HPN: variants seen among roughly 807,000 people sequenced by gnomAD.
The protein encoded by HPN is serine protease hepsin.
In HPN, 13 loss-of-function variants were observed where a neutral mutation model predicts 55.9. The ratio of observed to expected loss-of-function variants is 0.23; its 90% CI spans 0.15 to 0.37. HPN has a LOEUF of 0.37. Among genes scored for constraint, HPN ranks in the 10% least tolerant of loss-of-function variants. The pLI, the probability that HPN is intolerant of heterozygous loss-of-function variation, is 1.00. For missense variants in HPN, 451 were observed against 575.8 expected, an observed-to-expected ratio of 0.78 and a Z score of 2.22; for synonymous variants, 225 against 240.3, an observed-to-expected ratio of 0.94 and a Z score of 0.59.
chr19:35,059,893 C>A lies in HPN; in HGVS notation c.310C>A (p.Leu104Met). 6.6e-7 allele frequency: 1 copy of A among 1,508,492 alleles called. No individual in the cohort carries two copies. The highest frequency in any genetic ancestry group is 2.3e-5 in the East Asian group (1 of 42,902). 93.4% of individuals were successfully genotyped at this position (1,508,492 alleles called of 1,614,324 possible). Residue 104 changes from leucine to methionine, a missense_variant, in exon 6 of 13, where the codon CTG becomes ATG. Around this residue, in one of 2 missense-constraint regions of HPN, gnomAD observed 378 missense variants for 445.5 expected, o/e 0.85. Transcript: ENST00000672452. ...GFLRALTHSE[L>M]DVRTAGANGT... Reference sequence around the variant, plus strand: ...GCCCAGGGCACTGACCCACTCCGAGCTGGACGTGCGAACGGCGGGCGCCAA... The same window carrying A: ...GCCCAGGGCACTGACCCACTCCGAGATGGACGTGCGAACGGCGGGCGCCAA...
At chr19:35,059,838 G>T (rs749039648) in intron 5 of HPN, 36 bp downstream of exon 5, 26 of 1,524,906 alleles carry the variant, frequency 1.7e-5, no homozygotes, top group Non-Finnish European at 2.3e-5. Flanking sequence ...GAGCCGGGAG[G>T]GGCTGGGGAG....
chr19:35,040,876 GC>G (rs1255014666), upstream of HPN, among the ~76,000 whole-genome samples: 1 of 152,214 alleles, frequency 6.6e-6, no homozygotes, highest in East Asian at 1.9e-4. Context: ...GCTGGGCACA[GC>G]GGGCACGTGT....
chr19:35,060,477 G>A lies in HPN; in HGVS notation c.585G>A (p.Gly195=). The A allele has an allele frequency of 6.2e-7, 1 of 1,613,324 alleles. No homozygotes were observed. The highest frequency in any genetic ancestry group is 8.5e-7 in the Non-Finnish European group (1 of 1,179,978). The stretch of plus-strand genomic sequence containing the variant: ...TCTGTGGGGGATCCCTGCTCTCCGG[G>A]GACTGGGTGCTGACAGCCGCCCACT... ...AHLCGGSLLS[G]DWVLTAAHCF... Residue 195 remains glycine (G), a synonymous_variant, in exon 8 of 13, where the codon GGG becomes GGA. Transcript: ENST00000672452.
intron 4 of HPN, among the ~76,000 whole-genome samples, chr19:35,053,526 A>T (rs2064425439): frequency 6.6e-6 from 1 of 152,036 alleles, no homozygotes; most frequent in South Asian, 2.1e-4. Context: ...CCAAATGGGC[A>T]GATCACTTGA....
intron 4 of HPN, among the ~76,000 whole-genome samples, chr19:35,050,952 T>G (rs2064399666): frequency 7.1e-6 from 1 of 140,984 alleles, no homozygotes; most frequent in Non-Finnish European, 1.5e-5. Context: ...GGTCTTGCTC[T>G]GTCGCCCAGG....
chr19:35,051,851 C>G (rs1029626875), intron 4 of HPN, among the ~76,000 whole-genome samples: 2 of 152,164 alleles, frequency 1.3e-5, no homozygotes, highest in African/African-American at 2.4e-5. Context: ...CTGACTTGCC[C>G]GAGGCTGACC....
intron 2 of HPN, among the ~76,000 whole-genome samples, chr19:35,046,247 ATT>A (rs35476966): frequency 4.2e-5 from 6 of 144,186 alleles, no homozygotes; most frequent in Non-Finnish European, 4.6e-5. Flanking sequence ...TGAGCTTTCA[ATT>A]TTTTTTTTTT....
intron 4 of HPN, among the ~76,000 whole-genome samples, chr19:35,054,688 G>A (rs1179942843): frequency 2.6e-5 from 4 of 152,168 alleles, no homozygotes; most frequent in Admixed American, 6.5e-5. Context: ...ATTTGGTGAC[G>A]TTGGGGAAGC....
intron 4 of HPN, among the ~76,000 whole-genome samples, chr19:35,054,434 A>AC (rs1028299787): frequency 6.6e-6 from 1 of 150,528 alleles, no homozygotes; most frequent in Non-Finnish European, 1.5e-5. Flanking sequence ...AAAAAAAAAA[A>AC]CCGAAGTGGT....
intron 2 of HPN, among the ~76,000 whole-genome samples, chr19:35,047,855 T>C (rs1004375972): frequency 6.6e-6 from 1 of 151,242 alleles, no homozygotes; most frequent in African/African-American, 2.4e-5. Flanking sequence ...AAATTAGCCA[T>C]GTGTGGTGGT....
At chr19:35,052,396 C>T (rs999185047) in intron 4 of HPN, among the ~76,000 whole-genome samples, 1 of 151,958 alleles carries the variant, frequency 6.6e-6, no homozygotes, top group East Asian at 1.9e-4. Flanking sequence ...GGCGTGGTGG[C>T]GGGCGCCTGT....
At position 35,047,624 on chromosome 19, in the gene HPN, C is replaced by T. The variant is rs139594832; in HGVS notation, c.17-1666C>T. ...ATCTGTCTTCTTTGGGTTATGTTCC[C>T]GGAACCTAGAAAGGTGCCAGGCACA... On this transcript the variant is annotated intron_variant, in intron 2 of 12. Coordinates refer to ENST00000672452, the MANE Select transcript of HPN (RefSeq NM_001384133.1). Among the ~76,000 whole-genome samples, 504 of 149,996 alleles carry T rather than the reference C, an allele frequency of 3.4e-3. 16 individuals carry two copies. In the East Asian group the frequency reaches 0.078, roughly 23 times the overall value.
In HPN at chr19:35,061,627, G is replaced by A. The variant is rs1020577752; in HGVS notation, c.811+810G>A. On this transcript the variant is annotated intron_variant, in intron 9 of 12. Coordinates refer to ENST00000672452, the MANE Select transcript of HPN (RefSeq NM_001384133.1). ...TAAATAAATAAATAACAAAAAAAAT[G>A]TGGTATATCCACACAACGGGAGAAT... Among the ~76,000 whole-genome samples the A allele has an allele frequency of 3.3e-5, 5 of 152,118 alleles. No homozygotes were observed. In the East Asian group the frequency reaches 9.7e-4, roughly 29 times the overall value.
At chr19:35,052,255 C>T (rs983330016) in intron 4 of HPN, among the ~76,000 whole-genome samples, 9 of 152,052 alleles carry the variant, frequency 5.9e-5, no homozygotes, top group Non-Finnish European at 8.8e-5. Flanking sequence ...GGGCGGGGTG[C>T]GGTGGCTCAC....
chr19:35,058,324 C>T (rs1403036898), intron 4 of HPN, among the ~76,000 whole-genome samples: 1 of 149,044 alleles, frequency 6.7e-6, no homozygotes, highest in Non-Finnish European at 1.5e-5. Context: ...GGATTACAGG[C>T]ACCTGCCATC....
Position 35,065,999 on chromosome 19 carries a change from T to A in HPN, c.1182T>A (p.Ser394Arg), listed in dbSNP as rs1424070604. The change falls in exon 12 of 13, where the codon AGT becomes AGA. Residue 394 changes from serine to arginine, a missense_variant. Ser to Arg is a moderately radical substitution (Grantham distance 110). Coordinates refer to ENST00000672452, the MANE Select transcript of HPN (RefSeq NM_001384133.1). ...AGCCAGGCGTCTACACCAAAGTCAGTGACTTCCGGGAGTGGATCTTCCAGG... is the reference window on the plus strand; with the variant it reads ...AGCCAGGCGTCTACACCAAAGTCAGAGACTTCCGGGAGTGGATCTTCCAGG... ...AQKPGVYTKVSDFREWIFQAI... is the reference protein window; with the variant it reads ...AQKPGVYTKVRDFREWIFQAI... 1.2e-6 allele frequency: 2 copies of A among 1,612,470 alleles called. No homozygotes were observed. The highest frequency in any genetic ancestry group is 1.7e-6 in the Non-Finnish European group (2 of 1,180,020).
rs574723335 is a variant in HPN, at chr19:35,043,808, C to T, written c.16+1286C>T. Among the ~76,000 whole-genome samples, 23 of 152,328 alleles carry T rather than the reference C, an allele frequency of 1.5e-4. No individual in the cohort carries two copies. The East Asian group carries it at 4.2e-3, about 28-fold the overall frequency. The stretch of plus-strand genomic sequence containing the variant: ...CCTGGAGCTGCCGGAAGGACAGCCC[C>T]AGGGCTTGGGCCCATGGGTGAATGA... On this transcript the variant is annotated intron_variant, in intron 2 of 12. Coordinates refer to ENST00000672452, the MANE Select transcript of HPN (RefSeq NM_001384133.1).
At chr19:35,047,721 C>T (rs1228486546) in intron 2 of HPN, among the ~76,000 whole-genome samples, 2 of 151,946 alleles carry the variant, frequency 1.3e-5, no homozygotes, top group African/African-American at 2.4e-5. Flanking sequence ...GGGTCAGGCG[C>T]GGTGGCTCAC....
At chr19:35,064,861 G>A (rs1403981284) in intron 9 of HPN, among the ~76,000 whole-genome samples, 5 of 151,138 alleles carry the variant, frequency 3.3e-5, no homozygotes, top group African/African-American at 4.9e-5. Flanking sequence ...TTGCTCTGTC[G>A]CCCAGGCTGG....
Sources: gnomAD v4.1 joint callset for allele counts (sites outside exome capture counted in the v4.1 genomes callset) on GRCh38, gnomAD v4.1.1 for gene constraint, gnomAD v4.1.1 regional missense constraint, MANE v1.5 for transcripts, NCBI Gene and HGNC (gene_info 2026-07-23, HGNC 2026-07-21) for gene names.